Variants in CDH20 observed in about 807,000 individuals in gnomAD.
CDH20 encodes cadherin-20.
Under a neutral mutation model 74.2 loss-of-function variants are expected in CDH20, and 29 were observed. The ratio of observed to expected loss-of-function variants is 0.39; its 90% CI spans 0.29 to 0.53. The LOEUF (loss-of-function observed/expected upper bound fraction) is 0.53, where lower values mean the gene tolerates loss of function less well. Among genes scored for constraint, CDH20 ranks in the 20% least tolerant of loss-of-function variants. CDH20 has a pLI of 0.69. For missense variants in CDH20, 988 were observed against 1,048.3 expected (o/e 0.94, Z 0.79); for synonymous variants, 469 against 405.4 (o/e 1.16, Z -1.88).
chr18:61,351,532 A>C (rs1362071801), intron 1 of CDH20, among the ~76,000 whole-genome samples: 2 of 152,194 alleles, frequency 1.3e-5, no homozygotes, highest in East Asian at 1.9e-4. Flanking sequence ...TGCCTAGTGC[A>C]TAGGAAACAC....
intron 6 of CDH20, among the ~76,000 whole-genome samples, chr18:61,513,710 C>G (rs546689575): frequency 6.6e-6 from 1 of 152,288 alleles, no homozygotes; most frequent in Admixed American, 6.5e-5. Flanking sequence ...GACCAAACCT[C>G]TCAGCATTTG....
chr18:61,419,515 C>T (rs1912804711), intron 1 of CDH20, among the ~76,000 whole-genome samples: 2 of 152,168 alleles, frequency 1.3e-5, no homozygotes, highest in African/African-American at 4.8e-5. Flanking sequence ...TGCAATACAA[C>T]CATGCAATTT....
intron 7 of CDH20, among the ~76,000 whole-genome samples, chr18:61,534,570 T>C (rs551418285): frequency 1.4e-5 from 2 of 147,872 alleles, no homozygotes; most frequent in East Asian, 2.4e-4. Flanking sequence ...AATACAGCTT[T>C]AGAAAAGAAA....
chr18:61,530,268 G>C (rs183056668), intron 7 of CDH20, among the ~76,000 whole-genome samples: 2 of 152,274 alleles, frequency 1.3e-5, no homozygotes, highest in East Asian at 3.9e-4. Context: ...GACTCTCAGA[G>C]GGAAAAGCAC....
intron 1 of CDH20, among the ~76,000 whole-genome samples, chr18:61,462,267 A>G (rs1294060152): frequency 1.3e-5 from 2 of 152,178 alleles, no homozygotes; most frequent in Non-Finnish European, 2.9e-5. Flanking sequence ...GTATACATAT[A>G]TCAAAACATC....
At chr18:61,400,315 GT>G (rs1397648417) in intron 1 of CDH20, among the ~76,000 whole-genome samples, 1 of 152,186 alleles carries the variant, frequency 6.6e-6, no homozygotes, top group African/African-American at 2.4e-5. Flanking sequence ...AGACTGTCAG[GT>G]CTAGACAGAG....
Position 61,554,648 on chromosome 18 carries a change from C to G in CDH20, c.2359C>G (p.Leu787Val). 1 of 1,598,664 alleles carries G rather than the reference C, an allele frequency of 6.3e-7. No homozygotes were observed. The change falls in exon 12 of 12, where the codon CTG becomes GTG. Residue 787 changes from leucine to valine, a missense_variant. Leu to Val is a conservative substitution (Grantham distance 32). Around this residue, in one of 2 missense-constraint regions of CDH20, gnomAD observed 375 missense variants for 293.1 expected, o/e 1.28. Transcript: ENST00000262717. Reference protein sequence around the residue: ...LTDWGPRFRKLAELYGASEGP... With the variant: ...LTDWGPRFRKVAELYGASEGP... ...GGACTGGGGGCCCCGCTTCCGGAAG[C>G]TGGCCGAGCTCTACGGGGCGTCGGA... is the stretch of plus-strand genomic sequence containing the variant.
chr18:61,547,961 T>C (rs1356943471), intron 10 of CDH20, among the ~76,000 whole-genome samples: 1 of 152,184 alleles, frequency 6.6e-6, no homozygotes, highest in Non-Finnish European at 1.5e-5. Context: ...GAATTTCGGC[T>C]CTAGTCAGAC....
At chr18:61,443,518 A>G (rs185319502) in intron 1 of CDH20, among the ~76,000 whole-genome samples, 3 of 152,268 alleles carry the variant, frequency 2.0e-5, no homozygotes, top group Admixed American at 2.0e-4. Context: ...TCCCAGATGT[A>G]CAGTCTATGC....
intron 1 of CDH20, among the ~76,000 whole-genome samples, chr18:61,385,577 A>T (rs1911567332): frequency 6.9e-6 from 1 of 144,890 alleles, no homozygotes. Flanking sequence ...GGCAAAAAAA[A>T]ATTTGGGGAA....
At chr18:61,552,743 CTCAATA>C (rs1599165561) in intron 11 of CDH20, among the ~76,000 whole-genome samples, 2 of 152,342 alleles carry the variant, frequency 1.3e-5, no homozygotes, top group East Asian at 3.9e-4. Flanking sequence ...CCATGTCACA[CTCAATA>C]TTGTTTCCCC....
intron 1 of CDH20, among the ~76,000 whole-genome samples, chr18:61,366,172 T>C (rs1296955437): frequency 6.6e-6 from 1 of 152,180 alleles, no homozygotes; most frequent in East Asian, 1.9e-4. Context: ...AATTCTCTTA[T>C]CCTACATATT....
chr18:61,359,323 A>T (rs1037879829), intron 1 of CDH20, among the ~76,000 whole-genome samples: 8 of 152,006 alleles, frequency 5.3e-5, no homozygotes, highest in Non-Finnish European at 1.0e-4. Context: ...TTTTTGGCAT[A>T]GACTTTTCCT....
intron 1 of CDH20, among the ~76,000 whole-genome samples, chr18:61,336,167 G>C (rs917780069): frequency 6.6e-6 from 1 of 152,188 alleles, no homozygotes; most frequent in East Asian, 1.9e-4. Flanking sequence ...AGCAATGTTC[G>C]TCTGGAGAAA....
At chr18:61,456,660 C>A (rs994668341) in intron 1 of CDH20, among the ~76,000 whole-genome samples, 2 of 150,930 alleles carry the variant, frequency 1.3e-5, no homozygotes, top group African/African-American at 4.9e-5. Context: ...AAAAAAAAAA[C>A]AAAAAACACA....
At chr18:61,381,192 A>G (rs1911423281) in intron 1 of CDH20, among the ~76,000 whole-genome samples, 1 of 152,210 alleles carries the variant, frequency 6.6e-6, no homozygotes, top group South Asian at 2.1e-4. Context: ...TTTGAAGAGG[A>G]CAAAGATGCT....
chr18:61,504,183 T>C (rs1237365209), intron 5 of CDH20, among the ~76,000 whole-genome samples: 1 of 152,138 alleles, frequency 6.6e-6, no homozygotes, highest in Non-Finnish European at 1.5e-5. Flanking sequence ...AAAGAAAGGC[T>C]AATTTGGTAG....
At chr18:61,366,040 A>G (rs1009534372) in intron 1 of CDH20, among the ~76,000 whole-genome samples, 8 of 152,258 alleles carry the variant, frequency 5.3e-5, no homozygotes, top group African/African-American at 1.9e-4. Flanking sequence ...TACAGTTTTC[A>G]TATGCATTAT....
At position 61,351,159 on chromosome 18, in the gene CDH20, T is replaced by C. The variant is rs186937646; in HGVS notation, c.-153+17332T>C. ...TGAGATGCAAACTCCCTAACAAATC[T>C]TGGAAGACACAATGTAGCAGTACTG... On this transcript the variant is annotated intron_variant, in intron 1 of 11. Coordinates refer to ENST00000262717, the MANE Select transcript of CDH20 (RefSeq NM_031891.4). Among the ~76,000 whole-genome samples, 20 of 152,260 alleles carry C rather than the reference T, an allele frequency of 1.3e-4. No individual in the cohort carries two copies. The East Asian group carries it at 3.9e-3, about 29-fold the overall frequency.
Sources: allele counts gnomAD v4.1 joint callset (sites outside exome capture counted in the v4.1 genomes callset), GRCh38; gene constraint gnomAD v4.1.1; regional missense constraint gnomAD v4.1.1; transcripts MANE v1.5; gene names NCBI Gene and HGNC (gene_info 2026-07-23, HGNC 2026-07-21).